Variants in NOMO3 observed in about 807,000 individuals in gnomAD.
The protein encoded by NOMO3 is NODAL modulator 3, also known as BOS complex subunit NOMO3.
NOMO3 carries 15 observed loss-of-function variants against 69.9 expected under a neutral mutation model. The ratio of observed to expected loss-of-function variants is 0.21; its 90% CI spans 0.14 to 0.33. The LOEUF (loss-of-function observed/expected upper bound fraction) is 0.33. Ranked by LOEUF, NOMO3 falls within the 10% of genes least tolerant of loss-of-function variation. The pLI is 1.00. For synonymous variants in NOMO3, 89 were observed against 301.9 expected, an observed-to-expected ratio of 0.29 and a Z score of 7.31; for missense variants, 218 against 761.0, an observed-to-expected ratio of 0.29 and a Z score of 8.39.
chr16:16,263,883 C>T (rs1177537049), intron 14 of NOMO3, among the ~76,000 whole-genome samples: 1 of 29,692 alleles, frequency 3.4e-5, no homozygotes, highest in Non-Finnish European at 6.4e-5. Context: ...GGGAGGGTGC[C>T]CCGACGTATG....
At position 16,257,517 on chromosome 16, in the gene NOMO3, A is replaced by G. The variant is rs560187818; in HGVS notation, c.1220+1359A>G. Reference sequence around the variant, plus strand: ...TAGGACCACTAGGTGGAGCTCTTCAATAGGTACTTGGATGGATGGTAAATC... The same window carrying G: ...TAGGACCACTAGGTGGAGCTCTTCAGTAGGTACTTGGATGGATGGTAAATC... On this transcript the variant is annotated intron_variant, in intron 11 of 30. Coordinates refer to ENST00000399336, the MANE Select transcript of NOMO3 (RefSeq NM_001004067.4). Among the ~76,000 whole-genome samples the G allele has an allele frequency of 2.2e-5, 3 of 134,268 alleles. 1 individual carries two copies. The highest frequency in any genetic ancestry group is 9.8e-5 in the African/African-American group (3 of 30,496). The allele number at this position is 134,268 out of a possible 152,430, so 88.1% of individuals were successfully genotyped here. A position where few individuals can be genotyped will look rare whatever the true frequency, so the allele number is the denominator to read the frequency against.
rs868494377 is a variant in NOMO3 at position 16,243,880 on chromosome 16, A to G, written c.402+619A>G. 5.0e-4 allele frequency among the ~76,000 whole-genome samples: 72 copies of G among 144,126 alleles called. 1 individual carries two copies. Among genetic ancestry groups the G allele is most frequent in the South Asian group, 4.6e-3 (21 of 4,538 alleles). The allele number at this position is 144,126 out of a possible 152,430, so 94.6% of individuals were successfully genotyped here. On this transcript the variant is annotated intron_variant, in intron 4 of 30. Transcript: ENST00000399336. ...TACAGGGATGCCGAATTGGAAGGAC[A>G]CACTCTCTAAGCCTTGTGGCATCTT...
intron 9 of NOMO3, among the ~76,000 whole-genome samples, chr16:16,254,634 TA>T (rs2141254375): frequency 7.0e-6 from 1 of 143,468 alleles, no homozygotes; most frequent in South Asian, 2.2e-4. Context: ...ACCAGGTGAC[TA>T]AGACAGAAAA....
chr16:16,236,787 G>A lies in NOMO3; in HGVS notation c.166-114G>A, dbSNP rs1046189669. The A allele has an allele frequency of 1.6e-5, 15 of 946,694 alleles. 1 individual carries two copies. The highest frequency in any genetic ancestry group is 9.9e-5 in the South Asian group (6 of 60,374). 58.6% of individuals were successfully genotyped at this position (946,694 alleles called of 1,614,324 possible). ...CAGTAATGCCCCGTGTTAAAAGCTGGCATATAATAGGTCCTCAGTGAATGT... is the reference window on the plus strand; with the variant it reads ...CAGTAATGCCCCGTGTTAAAAGCTGACATATAATAGGTCCTCAGTGAATGT... On this transcript the variant is annotated intron_variant, in intron 1 of 30. Coordinates refer to ENST00000399336, the MANE Select transcript of NOMO3 (RefSeq NM_001004067.4).
intron 11 of NOMO3, among the ~76,000 whole-genome samples, chr16:16,259,381 C>T (rs1278955293): frequency 3.5e-5 from 5 of 142,666 alleles, no homozygotes; most frequent in African/African-American, 1.5e-4. Context: ...CAGGGTCTTA[C>T]TCCGTTGCCC....
At chr16:16,257,996 A>T (rs566233198) in intron 11 of NOMO3, among the ~76,000 whole-genome samples, 4,069 of 140,168 alleles carry the variant, frequency 0.029, 727 homozygotes, top group African/African-American at 0.11. Flanking sequence ...CTTTCACCCT[A>T]CCAGGGAGAC....
At chr16:16,267,434 T>G (rs2049628619) in intron 16 of NOMO3, 1 of 421,408 alleles carries the variant, frequency 2.4e-6, no homozygotes, top group South Asian at 3.5e-5. Flanking sequence ...TCTCATTTTT[T>G]TTTTCTCTTT....
At chr16:16,268,272 A>G (rs2049635128) in intron 16 of NOMO3, among the ~76,000 whole-genome samples, 1 of 145,604 alleles carries the variant, frequency 6.9e-6, no homozygotes, top group Non-Finnish European at 1.5e-5. Context: ...GAATTGCTGC[A>G]TTGTGTGATA....
Position 16,263,173 on chromosome 16 carries a change from G to C in NOMO3, c.1495G>C (p.Val499Leu). ...TDRPVMDVAFVQFLASVSGKV... is the reference protein window; with the variant it reads ...TDRPVMDVAFLQFLASVSGKV... ...CAGGCCTGTGATGGATGTGGCCTTT[G>C]TACAGTTCTTGGCATCAGTTTCTGG... The change falls in exon 13 of 31, where the codon GTA (valine) becomes CTA (leucine). Residue 499 changes from valine (V) to leucine (L), a missense_variant. Transcript: ENST00000399336. The C allele has an allele frequency of 1.9e-6, 3 of 1,592,390 alleles. No individual in the cohort carries two copies. The highest frequency in any genetic ancestry group is 1.7e-6 in the Non-Finnish European group (2 of 1,176,456).
intron 14 of NOMO3, 57 bp downstream of exon 14, chr16:16,263,701 T>C: frequency 2.1e-6 from 1 of 474,504 alleles, no homozygotes; most frequent in South Asian, 2.2e-5. Context: ...CTTTGTAAAC[T>C]TTCTAAAACT....
chr16:16,235,779 A>G, intron 1 of NOMO3: 5 of 436,708 alleles, frequency 1.1e-5, no homozygotes, highest in Non-Finnish European at 2.3e-5. Flanking sequence ...AAGTGCTGGG[A>G]TTACAGGCAT....
At chr16:16,240,213 C>T (rs1723489926) in intron 3 of NOMO3, among the ~76,000 whole-genome samples, 1 of 144,712 alleles carries the variant, frequency 6.9e-6, no homozygotes, top group Non-Finnish European at 1.5e-5. Context: ...ACTTGGTTCC[C>T]ATCCCAGGAT....
At position 16,237,287 on chromosome 16, in the gene NOMO3, T is replaced by C. The variant is rs796973665; in HGVS notation, c.255+297T>C. ...TAGTGGCCAGGCGTGGAGCTAAATG[T>C]GCTACAGTGCTGCCTACGACAGCCC... On this transcript the variant is annotated intron_variant, in intron 2 of 30. Transcript: ENST00000399336. 2.2e-4 allele frequency among the ~76,000 whole-genome samples: 32 copies of C among 144,252 alleles called. 5 individuals are homozygous for C. The highest frequency in any genetic ancestry group is 4.5e-4 in the East Asian group (2 of 4,456). 94.6% of individuals were successfully genotyped at this position (144,252 alleles called of 152,430 possible). A position where few individuals can be genotyped will look rare whatever the true frequency, so the allele number is the denominator to read the frequency against.
chr16:16,256,130 C>G lies in NOMO3; in HGVS notation c.1192C>G (p.Pro398Ala). The G allele has an allele frequency of 6.3e-7, 1 of 1,587,820 alleles. No individual in the cohort carries two copies. Among genetic ancestry groups the G allele is most frequent in the Non-Finnish European group, 8.5e-7 (1 of 1,174,776 alleles). Residue 398 changes from proline to alanine, a missense_variant, in exon 11 of 31, where the codon CCT becomes GCT. Transcript: ENST00000399336. Reference sequence around the variant, plus strand: ...CACCATCAAAATTGCACCAAACACACCTCAGCTGGCTGACATTGTTGCAAC... The same window carrying G: ...CACCATCAAAATTGCACCAAACACAGCTCAGCTGGCTGACATTGTTGCAAC... ...TVTIKIAPNT[P>A]QLADIVATGF... is the part of the protein sequence containing the mutation.
intron 14 of NOMO3, among the ~76,000 whole-genome samples, chr16:16,264,812 TGCTGG>T (rs1216983517): frequency 7.4e-6 from 1 of 135,888 alleles, no homozygotes; most frequent in Admixed American, 7.1e-5. Context: ...CCTCCCAGAG[TGCTGG>T]GATTATAGGC....
chr16:16,265,653 TA>T, intron 15 of NOMO3, among the ~76,000 whole-genome samples: 1 of 32,912 alleles, frequency 3.0e-5, no homozygotes, highest in Non-Finnish European at 5.9e-5. Flanking sequence ...TATATATATA[TA>T]TATATATATA....
intron 6 of NOMO3, among the ~76,000 whole-genome samples, chr16:16,250,126 T>C (rs2049450757): frequency 7.6e-6 from 1 of 131,616 alleles, no homozygotes; most frequent in African/African-American, 3.3e-5. Flanking sequence ...AACAGTTGGA[T>C]TGGTTACAGC....
At chr16:16,250,164 T>C (rs1346364715) in intron 6 of NOMO3, among the ~76,000 whole-genome samples, 1 of 139,728 alleles carries the variant, frequency 7.2e-6, no homozygotes, top group Non-Finnish European at 1.5e-5. Flanking sequence ...TGCACATGGT[T>C]TGAACAGTTG....
intron 1 of NOMO3, among the ~76,000 whole-genome samples, chr16:16,236,205 A>G (rs2049325613): frequency 6.9e-6 from 1 of 145,980 alleles, no homozygotes; most frequent in Non-Finnish European, 1.5e-5. Flanking sequence ...TTAGTTGAGA[A>G]ATAGAGGTGG....
Sources: gnomAD v4.1 joint callset for allele counts (sites outside exome capture counted in the v4.1 genomes callset) on GRCh38, gnomAD v4.1.1 for gene constraint, MANE v1.5 for transcripts, NCBI Gene and HGNC (gene_info 2026-07-23, HGNC 2026-07-21) for gene names.